CCDC91: variants seen among roughly 807,000 people sequenced by gnomAD.
CCDC91 encodes coiled-coil domain-containing protein 91.
In CCDC91, 48 loss-of-function variants were observed where a neutral mutation model predicts 63.2. That is an observed-to-expected ratio of 0.76 (90% CI 0.60 to 0.97). The LOEUF is 0.97. Among genes scored for constraint, CCDC91 ranks in the 50% least tolerant of loss-of-function variants. The pLI is 0.00. For synonymous variants in CCDC91, 167 were observed against 165.8 expected (o/e 1.01, Z -0.06); for missense variants, 500 against 494.6 (o/e 1.01, Z -0.10).
At chr12:28,435,392 C>G (rs1481249740) in intron 8 of CCDC91, among the ~76,000 whole-genome samples, 1 of 151,308 alleles carries the variant, frequency 6.6e-6, no homozygotes, top group African/African-American at 2.4e-5. Flanking sequence ...GTGTTGTTAT[C>G]CAGGTATCTT....
intron 3 of CCDC91, 127 bp downstream of exon 3, chr12:28,259,569 C>A: frequency 1.6e-6 from 1 of 610,834 alleles, no homozygotes; most frequent in Non-Finnish European, 2.9e-6. Flanking sequence ...TGGAGTGATC[C>A]AGATTTACTC....
At chr12:28,479,661 G>A (rs1361660019) in intron 11 of CCDC91, among the ~76,000 whole-genome samples, 7 of 151,852 alleles carry the variant, frequency 4.6e-5, no homozygotes, top group Non-Finnish European at 1.0e-4. Context: ...TGTATGTTGG[G>A]ATTACAAACA....
intron 1 of CCDC91, among the ~76,000 whole-genome samples, chr12:28,210,996 G>C (rs1456511183): frequency 1.4e-5 from 2 of 144,098 alleles, no homozygotes; most frequent in Non-Finnish European, 3.1e-5. Context: ...TGACCAGTTT[G>C]CTGGGCCATC....
intron 8 of CCDC91, among the ~76,000 whole-genome samples, chr12:28,399,184 T>C (rs1946465765): frequency 6.6e-6 from 1 of 152,140 alleles, no homozygotes; most frequent in African/African-American, 2.4e-5. Flanking sequence ...AGAGGTTTAA[T>C]TGACTCACAT....
intron 1 of CCDC91, among the ~76,000 whole-genome samples, chr12:28,217,131 C>T (rs1943614272): frequency 6.6e-6 from 1 of 152,058 alleles, no homozygotes; most frequent in African/African-American, 2.4e-5. Flanking sequence ...AATCTCTTAA[C>T]ATGCTACTAG....
chr12:28,341,453 T>C (rs1209863563), intron 6 of CCDC91, among the ~76,000 whole-genome samples: 1 of 152,202 alleles, frequency 6.6e-6, no homozygotes, highest in East Asian at 1.9e-4. Flanking sequence ...TTAAGGACTT[T>C]TGTGATGACA....
At chr12:28,433,396 G>A (rs1306177632) in intron 8 of CCDC91, among the ~76,000 whole-genome samples, 17 of 151,924 alleles carry the variant, frequency 1.1e-4, no homozygotes, top group Non-Finnish European at 2.4e-4. Flanking sequence ...TTTCATGAAA[G>A]TTATATGGTC....
At chr12:28,250,100 T>C (rs1367728134) in intron 1 of CCDC91, among the ~76,000 whole-genome samples, 1 of 152,012 alleles carries the variant, frequency 6.6e-6, no homozygotes, top group Non-Finnish European at 1.5e-5. Flanking sequence ...AAGATTGCTA[T>C]TAAGGAGTTG....
chr12:28,262,176 G>C (rs1315050579), intron 3 of CCDC91, among the ~76,000 whole-genome samples: 1 of 151,930 alleles, frequency 6.6e-6, no homozygotes, highest in Admixed American at 6.6e-5. Flanking sequence ...GAGATCTAAG[G>C]CAGATTCTTT....
chr12:28,302,806 A>C lies in CCDC91; in HGVS notation c.110-2843A>C, dbSNP rs759658224. 9 of 163,248 alleles carry C rather than the reference A, an allele frequency of 5.5e-5. No homozygotes were observed. The East Asian group carries it at 9.6e-4, about 17-fold the overall frequency. The allele number at this position is 163,248 out of a possible 1,614,324, so 10.1% of individuals were successfully genotyped here. On this transcript the variant is annotated intron_variant, in intron 3 of 12. Transcript: ENST00000536442. ...GGACAACTGAATGAAACTATCTGGTAGTAAGGTGAGTATATAGATCTAGAT... is the reference window on the plus strand; with the variant it reads ...GGACAACTGAATGAAACTATCTGGTCGTAAGGTGAGTATATAGATCTAGAT...
intron 6 of CCDC91, among the ~76,000 whole-genome samples, chr12:28,358,168 T>C (rs1482330976): frequency 1.3e-5 from 2 of 152,160 alleles, no homozygotes; most frequent in East Asian, 3.8e-4. Context: ...ATTTAACAGA[T>C]AGAGAAATGT....
rs982225172 is a variant in CCDC91, at chr12:28,501,618, A to C, written c.1215+17453A>C. 2.6e-4 allele frequency among the ~76,000 whole-genome samples: 39 copies of C among 151,028 alleles called. 1 individual carries two copies. Among genetic ancestry groups the C allele is most frequent in the Middle Eastern group, 3.4e-3 (1 of 294 alleles). ...GCTGGATTCAGTTTGCCAGTATTTT[A>C]TTGAGGATTTTTGCATCAATGTTCA... On this transcript the variant is annotated intron_variant, in intron 12 of 12. Coordinates refer to ENST00000536442, the MANE Select transcript of CCDC91 (RefSeq NM_018318.5).
chr12:28,370,073 A>G (rs866569386), intron 7 of CCDC91, among the ~76,000 whole-genome samples: 18 of 152,346 alleles, frequency 1.2e-4, no homozygotes, highest in Middle Eastern at 3.4e-3. Flanking sequence ...TCCTTGTTAC[A>G]TATGCAAATT....
At chr12:28,252,087 C>T (rs11049481) in intron 1 of CCDC91, among the ~76,000 whole-genome samples, 30,665 of 151,824 alleles carry the variant, frequency 0.2, 3,959 homozygotes, top group Non-Finnish European at 0.3. Context: ...TCATTTTCCC[C>T]CAGAATTTTA....
chr12:28,439,524 C>A (rs559298512), intron 8 of CCDC91, among the ~76,000 whole-genome samples: 2 of 152,012 alleles, frequency 1.3e-5, no homozygotes, highest in Non-Finnish European at 2.9e-5. Context: ...TATATACTAA[C>A]CCCCTCCACA....
Position 28,546,986 on chromosome 12 carries a change from A to G in CCDC91, c.1216-2077A>G, listed in dbSNP as rs78204997. Among the ~76,000 whole-genome samples, 319 of 152,230 alleles carry G rather than the reference A, an allele frequency of 2.1e-3. 2 individuals carry two copies. Among genetic ancestry groups the G allele is most frequent in the African/African-American group, 7.3e-3 (302 of 41,580 alleles). The stretch of plus-strand genomic sequence containing the variant: ...TCTGTCAATGGGAAAGTAGCTAAAT[A>G]AATTATGAAATACAGTTAAGCAATT... On this transcript the variant is annotated intron_variant, in intron 12 of 12. Coordinates refer to ENST00000536442, the MANE Select transcript of CCDC91 (RefSeq NM_018318.5).
At chr12:28,472,472 TG>T (rs1232809273) in intron 11 of CCDC91, among the ~76,000 whole-genome samples, 1 of 152,184 alleles carries the variant, frequency 6.6e-6, no homozygotes, top group Non-Finnish European at 1.5e-5. Context: ...AAAAGTATAA[TG>T]GATTACAATT....
chr12:28,200,963 A>C (rs866025702), intron 1 of CCDC91, among the ~76,000 whole-genome samples: 28,839 of 115,742 alleles, frequency 0.25, 3,670 homozygotes, highest in Non-Finnish European at 0.32. Context: ...CTGACCCCCC[A>C]ACCTCCCTCC....
intron 1 of CCDC91, among the ~76,000 whole-genome samples, chr12:28,248,042 C>T (rs1945871283): frequency 6.6e-6 from 1 of 152,140 alleles, no homozygotes; most frequent in Non-Finnish European, 1.5e-5. Context: ...GCCAAGGACC[C>T]AGACCGGTTC....
Sources: gnomAD v4.1 joint callset for allele counts (sites outside exome capture counted in the v4.1 genomes callset) on GRCh38, gnomAD v4.1.1 for gene constraint, MANE v1.5 for transcripts, NCBI Gene and HGNC (gene_info 2026-07-23, HGNC 2026-07-21) for gene names.